The following NAV2 variants were observed in gnomAD, a reference collection of about 807,000 sequenced individuals.
The protein encoded by NAV2 is neuron navigator 2, also known as helicase, APC down-regulated 1.
A neutral mutation model predicts 223.2 loss-of-function variants in NAV2; 54 were observed. That is an observed-to-expected ratio of 0.24 (90% CI 0.19 to 0.30). The LOEUF (loss-of-function observed/expected upper bound fraction) is 0.30, where lower values mean the gene tolerates loss of function less well. NAV2 is among the 10% of genes least tolerant of loss of function. NAV2 has a pLI of 1.00. For synonymous variants in NAV2, 1,279 were observed against 1,239.3 expected, an observed-to-expected ratio of 1.03 and a Z score of -0.67; for missense variants, 2,806 against 3,147.5, an observed-to-expected ratio of 0.89 and a Z score of 2.60.
chr11:19,916,056 G>A (rs1410352045), intron 6 of NAV2, among the ~76,000 whole-genome samples: 1 of 152,192 alleles, frequency 6.6e-6, no homozygotes, highest in Admixed American at 6.5e-5. Context: ...GGGTTATTGT[G>A]AGGAGTAAAT....
intron 1 of NAV2, among the ~76,000 whole-genome samples, chr11:19,525,447 T>C (rs529149348): frequency 1.3e-5 from 2 of 152,076 alleles, no homozygotes; most frequent in Admixed American, 6.5e-5. Flanking sequence ...GAAGAGGGGG[T>C]GCAGGCAGAG....
At chr11:19,932,236 CAAA>C (rs398015484) in intron 6 of NAV2, among the ~76,000 whole-genome samples, 18 of 78,992 alleles carry the variant, frequency 2.3e-4, no homozygotes, top group East Asian at 9.1e-4. Flanking sequence ...CACTCTTAAG[CAAA>C]AAAAAAAAAA....
At position 19,526,421 on chromosome 11, in the gene NAV2, C is replaced by A. The variant is rs559156449; in HGVS notation, c.75+175394C>A. Among the ~76,000 whole-genome samples, 139 of 152,062 alleles carry A rather than the reference C, an allele frequency of 9.1e-4. 1 individual carries two copies. The highest frequency in any genetic ancestry group is 1.4e-3 in the Non-Finnish European group (94 of 67,998). ...CCAACTCTGCATTTGAATTGGAGATCAATCTTCTCCCCTTCTCTTTCTAAA... is the reference window on the plus strand; with the variant it reads ...CCAACTCTGCATTTGAATTGGAGATAAATCTTCTCCCCTTCTCTTTCTAAA... On this transcript the variant is annotated intron_variant, in intron 1 of 37. Transcript: ENST00000360655.
At chr11:20,037,279 TC>T (rs34177523) in intron 12 of NAV2, among the ~76,000 whole-genome samples, 54,336 of 151,506 alleles carry the variant, frequency 0.36, 10,381 homozygotes, top group East Asian at 0.55. Flanking sequence ...CATAACCTCT[TC>T]CTTTCTCAGC....
intron 6 of NAV2, among the ~76,000 whole-genome samples, chr11:19,899,890 T>G (rs1342368575): frequency 6.6e-6 from 1 of 152,152 alleles, no homozygotes; most frequent in South Asian, 2.1e-4. Context: ...ATGGAGGGCT[T>G]GTAGAGTGTA....
intron 1 of NAV2, among the ~76,000 whole-genome samples, chr11:19,467,999 G>A (rs551186000): frequency 6.6e-6 from 1 of 152,308 alleles, no homozygotes; most frequent in South Asian, 2.1e-4. Flanking sequence ...GTGGGCATAA[G>A]GAAGGGAGGC....
intron 1 of NAV2, among the ~76,000 whole-genome samples, chr11:19,587,336 G>A (rs556280405): frequency 7.2e-5 from 11 of 152,300 alleles, no homozygotes; most frequent in South Asian, 4.1e-4. Flanking sequence ...CGGGTGAGGC[G>A]ATGCCTTGCC....
At chr11:19,803,222 C>G (rs1312682725) in intron 1 of NAV2, among the ~76,000 whole-genome samples, 1 of 152,188 alleles carries the variant, frequency 6.6e-6, no homozygotes, top group East Asian at 1.9e-4. Context: ...TATATCAAAA[C>G]TAAACAACAG....
intron 1 of NAV2, among the ~76,000 whole-genome samples, chr11:19,568,566 C>T (rs563097757): frequency 1.3e-5 from 2 of 152,198 alleles, no homozygotes; most frequent in Non-Finnish European, 2.9e-5. Flanking sequence ...AGGCTCTCTC[C>T]TGGAGCACTG....
intron 6 of NAV2, among the ~76,000 whole-genome samples, chr11:19,906,798 G>A (rs2028608): frequency 0.58 from 88,815 of 151,956 alleles, 27,270 homozygotes; most frequent in East Asian, 0.78. Flanking sequence ...AGCTGTTAAA[G>A]TAGAACTCCG....
At chr11:19,842,745 T>C (rs2060579587) in intron 2 of NAV2, 126 bp from the exon 3 acceptor site, 1 of 765,048 alleles carries the variant, frequency 1.3e-6, no homozygotes, top group East Asian at 2.7e-5. Flanking sequence ...GTATTTCACA[T>C]GCCTGCACTG....
intron 10 of NAV2, among the ~76,000 whole-genome samples, chr11:19,976,590 A>G (rs1489183136): frequency 6.6e-6 from 1 of 152,198 alleles, no homozygotes; most frequent in African/African-American, 2.4e-5. Context: ...ACATCTTTGC[A>G]GTACTCCCCA....
At chr11:19,694,018 T>C (rs1000544537) in intron 1 of NAV2, among the ~76,000 whole-genome samples, 4 of 152,246 alleles carry the variant, frequency 2.6e-5, no homozygotes, top group Admixed American at 6.5e-5. Context: ...GATTATTGCC[T>C]GTGTGAGCTA....
At chr11:19,531,535 T>C (rs1356974866) in intron 1 of NAV2, among the ~76,000 whole-genome samples, 1 of 152,154 alleles carries the variant, frequency 6.6e-6, no homozygotes, top group Non-Finnish European at 1.5e-5. Context: ...TGTTGACAGA[T>C]TGGATGCAGA....
At position 19,826,549 on chromosome 11, in the gene NAV2, A is replaced by C. The variant is rs868679140; in HGVS notation, c.268-5935A>C. Among the ~76,000 whole-genome samples, 17 of 152,338 alleles carry C rather than the reference A, an allele frequency of 1.1e-4. No individual in the cohort carries two copies. In the Middle Eastern group the frequency reaches 0.02, roughly 183 times the overall value. On this transcript the variant is annotated intron_variant, in intron 1 of 37. Transcript: ENST00000349880. Reference sequence around the variant, plus strand: ...CATGAGCTAATGAAACAGCAAGTGAAGGAGATGGGGCTGAATTTATGTCCA... The same window carrying C: ...CATGAGCTAATGAAACAGCAAGTGACGGAGATGGGGCTGAATTTATGTCCA...
In NAV2 at chr11:19,954,679, A is replaced by G. The variant is rs960410810; in HGVS notation, c.2645+5599A>G. ...GTGCTCTCATGCATCATTTGCATGT[A>G]TAATACCTTGTATCTTTTCCTTTAT... is the stretch of plus-strand genomic sequence containing the variant. On this transcript the variant is annotated intron_variant, in intron 10 of 37. Transcript: ENST00000349880. 2.0e-5 allele frequency among the ~76,000 whole-genome samples: 3 copies of G among 152,208 alleles called. No individual in the cohort carries two copies. The South Asian group carries it at 6.2e-4, about 32-fold the overall frequency.
intron 1 of NAV2, among the ~76,000 whole-genome samples, chr11:19,368,409 G>A (rs75195340): frequency 6.6e-6 from 1 of 152,250 alleles, no homozygotes; most frequent in Non-Finnish European, 1.5e-5. Flanking sequence ...GAATGTTAAA[G>A]GGGCCAAGCT....
intron 8 of NAV2, among the ~76,000 whole-genome samples, chr11:19,943,216 A>G (rs2046551500): frequency 6.6e-6 from 1 of 152,204 alleles, no homozygotes; most frequent in Admixed American, 6.5e-5. Context: ...TATACATAAA[A>G]TGTGGCCAAA....
intron 10 of NAV2, among the ~76,000 whole-genome samples, chr11:19,965,258 G>C (rs1187018307): frequency 6.6e-6 from 1 of 152,082 alleles, no homozygotes; most frequent in Non-Finnish European, 1.5e-5. Flanking sequence ...ACTCAAACTT[G>C]GACAGCCTGA....
Sources: gnomAD v4.1 joint callset for allele counts (sites outside exome capture counted in the v4.1 genomes callset) on GRCh38, gnomAD v4.1.1 for gene constraint, MANE v1.5 for transcripts, NCBI Gene and HGNC (gene_info 2026-07-23, HGNC 2026-07-21) for gene names.